MALRD1: variants seen among roughly 807,000 people sequenced by gnomAD.
MALRD1 encodes MAM and LDL receptor class A domain containing 1.
Under a neutral mutation model 242.1 loss-of-function variants are expected in MALRD1, and 247 were observed. The observed-to-expected ratio is 1.02, with a 90% CI of 0.92 to 1.13. The LOEUF (loss-of-function observed/expected upper bound fraction) is 1.13, where lower values mean the gene tolerates loss of function less well. Ranked by LOEUF, MALRD1 falls within the 50% of genes most tolerant of loss-of-function variation. The pLI is 0.00. For synonymous variants in MALRD1, 995 were observed against 866.6 expected (o/e 1.15, Z -2.60); for missense variants, 2,989 against 2,533.1 (o/e 1.18, Z -3.86).
At chr10:19,541,377 C>T (rs986432019) in intron 32 of MALRD1, among the ~76,000 whole-genome samples, 2 of 152,094 alleles carry the variant, frequency 1.3e-5, no homozygotes, top group African/African-American at 4.8e-5. Context: ...ATTTATAAAA[C>T]CTAGATTATA....
At chr10:19,243,955 G>GGATTTCAGCAGTCAGT (rs1838924919) in intron 18 of MALRD1, among the ~76,000 whole-genome samples, 1 of 151,856 alleles carries the variant, frequency 6.6e-6, no homozygotes, top group Non-Finnish European at 1.5e-5. Flanking sequence ...GATTTGAGAA[G>GGATTTCAGCAGTCAGT]GGAAATTTTA....
At chr10:19,511,937 A>C (rs1833419873) in intron 31 of MALRD1, among the ~76,000 whole-genome samples, 1 of 152,090 alleles carries the variant, frequency 6.6e-6, no homozygotes, top group South Asian at 2.1e-4. Flanking sequence ...CTAGGATGTC[A>C]TCTTCTTCTG....
At chr10:19,719,237 T>TATATACATAC (rs1834615436) in intron 38 of MALRD1, among the ~76,000 whole-genome samples, 5 of 124,924 alleles carry the variant, frequency 4.0e-5, no homozygotes, top group African/African-American at 1.6e-4. Flanking sequence ...TATATATATA[T>TATATACATAC]ATATATATAT....
At chr10:19,293,257 A>C (rs373275790) in intron 21 of MALRD1, among the ~76,000 whole-genome samples, 2 of 151,546 alleles carry the variant, frequency 1.3e-5, no homozygotes, top group South Asian at 4.2e-4. Context: ...GCTGAAATTT[A>C]AATCAACTGT....
chr10:19,085,920 T>C (rs915902619), intron 2 of MALRD1, among the ~76,000 whole-genome samples: 1 of 151,924 alleles, frequency 6.6e-6, no homozygotes, highest in African/African-American at 2.4e-5. Flanking sequence ...ACCATTTGTA[T>C]TGCTAATAGT....
At chr10:19,558,953 G>A (rs552731147) in intron 32 of MALRD1, among the ~76,000 whole-genome samples, 2 of 152,072 alleles carry the variant, frequency 1.3e-5, no homozygotes, top group East Asian at 1.9e-4. Flanking sequence ...GGAGGCTGAG[G>A]TGGGCAGATC....
chr10:19,548,248 C>G (rs2358416), intron 32 of MALRD1, among the ~76,000 whole-genome samples: 7,689 of 151,892 alleles, frequency 0.051, 632 homozygotes, highest in African/African-American at 0.18. Flanking sequence ...ATTTGCCCCC[C>G]TCTGCCGCCC....
At chr10:19,499,531 T>C (rs1392805646) in intron 31 of MALRD1, among the ~76,000 whole-genome samples, 1 of 152,064 alleles carries the variant, frequency 6.6e-6, no homozygotes, top group East Asian at 1.9e-4. Context: ...TGGGCTTTTA[T>C]GGTTCTCCAG....
intron 28 of MALRD1, among the ~76,000 whole-genome samples, chr10:19,395,418 C>T (rs933060745): frequency 1.6e-4 from 24 of 152,230 alleles, no homozygotes; most frequent in African/African-American, 4.8e-4. Flanking sequence ...GGGAACTACT[C>T]GAACTGGGGA....
In MALRD1 at chr10:19,140,199, G is replaced by A. The variant is rs537361142; in HGVS notation, c.1411+3418G>A. Among the ~76,000 whole-genome samples the A allele has an allele frequency of 9.2e-5, 14 of 152,110 alleles. No individual in the cohort carries two copies. The South Asian group carries it at 2.5e-3, about 27-fold the overall frequency. On this transcript the variant is annotated intron_variant, in intron 10 of 39. Coordinates refer to ENST00000454679, the MANE Select transcript of MALRD1 (RefSeq NM_001142308.3). ...TTCACAGAGAGCTGATTAACTTCTG[G>A]AGGATTCATAAAATATTTTGCTTTT...
At chr10:19,565,302 G>C (rs1836203639) in intron 32 of MALRD1, among the ~76,000 whole-genome samples, 1 of 152,018 alleles carries the variant, frequency 6.6e-6, no homozygotes, top group African/African-American at 2.4e-5. Flanking sequence ...AGATTAAAAA[G>C]ACTGAATGCA....
At chr10:19,410,393 A>G (rs372416564) in intron 28 of MALRD1, among the ~76,000 whole-genome samples, 26 of 152,264 alleles carry the variant, frequency 1.7e-4, no homozygotes, top group African/African-American at 6.3e-4. Flanking sequence ...AGTCTAGAAA[A>G]CAGTCATTTT....
At chr10:19,345,239 A>G (rs561565994) in intron 24 of MALRD1, among the ~76,000 whole-genome samples, 49 of 152,280 alleles carry the variant, frequency 3.2e-4, no homozygotes, top group African/African-American at 1.1e-3. Flanking sequence ...ATAAAGATTT[A>G]GCAGTGTTTA....
At chr10:19,305,969 C>T (rs1195503878) in intron 21 of MALRD1, among the ~76,000 whole-genome samples, 2 of 119,758 alleles carry the variant, frequency 1.7e-5, no homozygotes, top group African/African-American at 6.9e-5. Context: ...ACTATATATA[C>T]TATGCTATAT....
intron 1 of MALRD1, among the ~76,000 whole-genome samples, chr10:19,059,729 A>G (rs941019181): frequency 4.6e-5 from 7 of 152,084 alleles, no homozygotes; most frequent in African/African-American, 1.4e-4. Flanking sequence ...AGATAAAATT[A>G]TATTTTAAAA....
chr10:19,222,384 T>C (rs1837597616), intron 18 of MALRD1, among the ~76,000 whole-genome samples: 2 of 152,132 alleles, frequency 1.3e-5, no homozygotes, highest in South Asian at 2.1e-4. Flanking sequence ...GCTAGAGAGG[T>C]TGAAATTTCA....
intron 21 of MALRD1, among the ~76,000 whole-genome samples, chr10:19,287,630 G>A (rs1022095853): frequency 6.6e-6 from 1 of 151,990 alleles, no homozygotes; most frequent in South Asian, 2.1e-4. Context: ...CACACACCAA[G>A]TAGGGAAAAT....
intron 36 of MALRD1, among the ~76,000 whole-genome samples, chr10:19,656,529 C>A (rs894532269): frequency 6.6e-6 from 1 of 152,082 alleles, no homozygotes; most frequent in Non-Finnish European, 1.5e-5. Flanking sequence ...CTCAGTATTC[C>A]TTTTGCTACT....
At chr10:19,226,716 G>C (rs547282487) in intron 18 of MALRD1, among the ~76,000 whole-genome samples, 1 of 151,956 alleles carries the variant, frequency 6.6e-6, no homozygotes, top group African/African-American at 2.4e-5. Context: ...TGACACCCAA[G>C]TTGGGAAGAA....
Sources: allele counts gnomAD v4.1 joint callset (sites outside exome capture counted in the v4.1 genomes callset), GRCh38; gene constraint gnomAD v4.1.1; transcripts MANE v1.5; gene names NCBI Gene and HGNC (gene_info 2026-07-23, HGNC 2026-07-21).